Variants in CTNNA2 observed in about 807,000 individuals in gnomAD.
CTNNA2 encodes catenin alpha 2.
Under a neutral mutation model 101.0 loss-of-function variants are expected in CTNNA2, and 42 were observed. That is an observed-to-expected ratio of 0.42 (90% CI 0.32 to 0.54). The LOEUF is 0.54. Ranked by LOEUF, CTNNA2 falls within the 20% of genes least tolerant of loss-of-function variation. The pLI is 0.14. For synonymous variants in CTNNA2, 450 were observed against 456.4 expected, an observed-to-expected ratio of 0.99 and a Z score of 0.18; for missense variants, 871 against 1,223.1, an observed-to-expected ratio of 0.71 and a Z score of 4.29.
At position 80,647,638 on chromosome 2, in the gene CTNNA2, TGTC is replaced by T; in HGVS notation, c.2629_2631del (p.Val877del). 6.2e-7 allele frequency: 1 copy of T among 1,613,368 alleles called. No homozygotes were observed. Among genetic ancestry groups the T allele is most frequent in the Non-Finnish European group, 8.5e-7 (1 of 1,179,458 alleles). On this transcript the variant is annotated inframe_deletion, in exon 19 of 19. Transcript: ENST00000402739. Reference sequence around the variant, plus strand: ...CAGCTAAAAACCTGATGAATGCTGTTGTCCTCACGGTGAAAGCATCCTATGTGG... The same window carrying T: ...CAGCTAAAAACCTGATGAATGCTGTTCTCACGGTGAAAGCATCCTATGTGG...
intron 2 of CTNNA2, among the ~76,000 whole-genome samples, chr2:79,694,434 A>T (rs1235019163): frequency 6.6e-6 from 1 of 152,042 alleles, no homozygotes; most frequent in Non-Finnish European, 1.5e-5. Flanking sequence ...AAGAGGTTTT[A>T]GAATTTATTT....
At chr2:80,208,745 C>A (rs763856198) in intron 7 of CTNNA2, among the ~76,000 whole-genome samples, 2 of 152,132 alleles carry the variant, frequency 1.3e-5, no homozygotes, top group African/African-American at 4.8e-5. Context: ...TTAGCCCATC[C>A]ACAATGTTGA....
chr2:80,568,066 C>T (rs548121070), intron 12 of CTNNA2, among the ~76,000 whole-genome samples: 5 of 152,016 alleles, frequency 3.3e-5, no homozygotes, highest in African/African-American at 9.7e-5. Context: ...CTGGCCTTGG[C>T]GAACTAGTTG....
At chr2:80,248,884 C>T (rs141950080) in intron 7 of CTNNA2, among the ~76,000 whole-genome samples, 238 of 152,242 alleles carry the variant, frequency 1.6e-3, no homozygotes, top group African/African-American at 5.5e-3. Context: ...AACTTTGGAT[C>T]TTACTACCAT....
intron 7 of CTNNA2, among the ~76,000 whole-genome samples, chr2:80,002,790 C>T (rs1574512169): frequency 6.6e-6 from 1 of 152,176 alleles, no homozygotes; most frequent in South Asian, 2.1e-4. Flanking sequence ...CTTCCACGCT[C>T]ATCACTGATA....
At chr2:79,191,220 A>G (rs11889977) in intron 1 of CTNNA2, among the ~76,000 whole-genome samples, 24 of 152,020 alleles carry the variant, frequency 1.6e-4, no homozygotes, top group Non-Finnish European at 3.2e-4. Flanking sequence ...ACTTTAAATA[A>G]TCAGAACAAA....
chr2:79,327,540 TCA>T (rs1033355185), intron 3 of CTNNA2, among the ~76,000 whole-genome samples: 11 of 152,196 alleles, frequency 7.2e-5, no homozygotes, highest in African/African-American at 2.4e-4. Context: ...ATACTTAAGC[TCA>T]GCTGGTTTCA....
chr2:79,512,694 A>G (rs1416155025), upstream of CTNNA2, among the ~76,000 whole-genome samples: 2 of 150,764 alleles, frequency 1.3e-5, no homozygotes, highest in Admixed American at 6.6e-5. Flanking sequence ...CCTGCGCCCT[A>G]CGGCGGTGCC....
chr2:79,897,998 G>A (rs142462559), intron 6 of CTNNA2, among the ~76,000 whole-genome samples: 78 of 152,254 alleles, frequency 5.1e-4, no homozygotes, highest in Middle Eastern at 3.4e-3. Context: ...GCTATTAAAC[G>A]TGCCACCTCT....
intron 15 of CTNNA2, among the ~76,000 whole-genome samples, chr2:80,593,694 A>G (rs1696707481): frequency 6.6e-6 from 1 of 152,164 alleles, no homozygotes; most frequent in South Asian, 2.1e-4. Context: ...TGACTAATAC[A>G]GGTATCTCAC....
At chr2:79,792,949 C>T (rs1020312459) in intron 3 of CTNNA2, among the ~76,000 whole-genome samples, 10 of 152,148 alleles carry the variant, frequency 6.6e-5, no homozygotes, top group African/African-American at 2.4e-4. Flanking sequence ...TTCATTGGTT[C>T]TTGTACTACA....
intron 2 of CTNNA2, among the ~76,000 whole-genome samples, chr2:79,247,272 C>T (rs1158485145): frequency 2.0e-5 from 3 of 152,200 alleles, no homozygotes; most frequent in Non-Finnish European, 4.4e-5. Context: ...TTACTTTTAA[C>T]TGTTAATTTG....
chr2:80,172,906 C>T (rs907078992), intron 7 of CTNNA2, among the ~76,000 whole-genome samples: 13 of 152,166 alleles, frequency 8.5e-5, no homozygotes, highest in South Asian at 2.1e-4. Flanking sequence ...GCCCAGTCTA[C>T]GCCAGTGTGA....
At chr2:79,568,587 A>T (rs1675259858) in intron 1 of CTNNA2, among the ~76,000 whole-genome samples, 1 of 151,694 alleles carries the variant, frequency 6.6e-6, no homozygotes, top group Non-Finnish European at 1.5e-5. Flanking sequence ...ACAGAGTGAG[A>T]CTCCCTCTCA....
rs1484403960 is a variant in CTNNA2, at chr2:80,359,803, G to A, written c.1057-33408G>A. On this transcript the variant is annotated intron_variant, in intron 7 of 18. Transcript: ENST00000402739. ...CTTAATTATTATAGCTTTTCACTAA[G>A]TTATGAAATCTGATGGAGTGAATCT... 2.0e-5 allele frequency among the ~76,000 whole-genome samples: 3 copies of A among 152,226 alleles called. No individual in the cohort carries two copies. In the East Asian group the frequency reaches 5.8e-4, roughly 29 times the overall value.
intron 7 of CTNNA2, among the ~76,000 whole-genome samples, chr2:80,364,119 GTT>G (rs1323005472): frequency 6.6e-6 from 1 of 152,072 alleles, no homozygotes; most frequent in Non-Finnish European, 1.5e-5. Flanking sequence ...TAAGTGGGTG[GTT>G]TCCTTCCTTT....
upstream of CTNNA2, among the ~76,000 whole-genome samples, chr2:79,509,586 T>G (rs888907113): frequency 3.3e-5 from 5 of 152,144 alleles, no homozygotes; most frequent in African/African-American, 1.2e-4. Flanking sequence ...ACACCAATGG[T>G]TTCCAGGGGT....
intron 7 of CTNNA2, among the ~76,000 whole-genome samples, chr2:80,108,707 G>T (rs1363369690): frequency 1.3e-5 from 2 of 152,108 alleles, no homozygotes; most frequent in Non-Finnish European, 2.9e-5. Context: ...TTTAGAGATG[G>T]CAAGCAGCTT....
intron 7 of CTNNA2, among the ~76,000 whole-genome samples, chr2:80,361,357 GT>G: frequency 6.6e-6 from 1 of 152,148 alleles, no homozygotes; most frequent in East Asian, 1.9e-4. Flanking sequence ...CATTATATTA[GT>G]TTTTTTACTC....
Sources: gnomAD v4.1 joint callset for allele counts (sites outside exome capture counted in the v4.1 genomes callset) on GRCh38, gnomAD v4.1.1 for gene constraint, MANE v1.5 for transcripts, NCBI Gene and HGNC (gene_info 2026-07-23, HGNC 2026-07-21) for gene names.